The following CAMTA1 variants were observed in gnomAD, a reference collection of about 807,000 sequenced individuals.
The protein encoded by CAMTA1 is calmodulin-binding transcription activator 1.
CAMTA1 carries 27 observed loss-of-function variants against 170.9 expected under a neutral mutation model. The observed-to-expected ratio is 0.16, with a 90% confidence interval of 0.12 to 0.22. The LOEUF is 0.22. Among genes scored for constraint, CAMTA1 ranks in the 10% least tolerant of loss-of-function variants. The probability of loss-of-function intolerance (pLI) is 1.00; values close to 1 mark genes in which losing one functional copy is unlikely to be tolerated. For synonymous variants in CAMTA1, 833 were observed against 891.5 expected, an observed-to-expected ratio of 0.93 and a Z score of 1.17; for missense variants, 1,619 against 2,217.2, an observed-to-expected ratio of 0.73 and a Z score of 5.42.
chr1:7,372,416 GT>G (rs2086540274), intron 5 of CAMTA1, among the ~76,000 whole-genome samples: 1 of 152,206 alleles, frequency 6.6e-6, no homozygotes, highest in Non-Finnish European at 1.5e-5. Flanking sequence ...CTAGCATGCA[GT>G]TTCTTTTTCA....
chr1:7,294,870 A>G (rs1673693687), intron 5 of CAMTA1, among the ~76,000 whole-genome samples: 1 of 152,084 alleles, frequency 6.6e-6, no homozygotes, highest in African/African-American at 2.4e-5. Context: ...CCTTGATCAC[A>G]AGTGTGTCCC....
Position 6,868,136 on chromosome 1 carries a change from A to G in CAMTA1, c.234+42926A>G, listed in dbSNP as rs965460890. The stretch of plus-strand genomic sequence containing the variant: ...GGGTAGTTCTTTTTAATTGTTGAAT[A>G]TACTTGCTGAGGTTAGTTTCTGCTG... On this transcript the variant is annotated intron_variant, in intron 3 of 22. Coordinates refer to ENST00000303635, the MANE Select transcript of CAMTA1 (RefSeq NM_015215.4). Among the ~76,000 whole-genome samples, 30 of 147,716 alleles carry G rather than the reference A, an allele frequency of 2.0e-4. No homozygotes were observed. In the East Asian group the frequency reaches 2.1e-3, roughly 10 times the overall value.
At chr1:7,302,430 G>A (rs1177634615) in intron 5 of CAMTA1, among the ~76,000 whole-genome samples, 1 of 152,194 alleles carries the variant, frequency 6.6e-6, no homozygotes, top group East Asian at 1.9e-4. Flanking sequence ...GTGGCATTCT[G>A]TTCCAGGCCA....
intron 6 of CAMTA1, among the ~76,000 whole-genome samples, chr1:7,632,635 GCCT>G (rs1388792523): frequency 2.6e-5 from 4 of 152,214 alleles, no homozygotes; most frequent in Admixed American, 2.0e-4. Context: ...CTGGCTCCAG[GCCT>G]CCTCCTCCTC....
At chr1:7,279,755 C>T (rs528155181) in intron 5 of CAMTA1, among the ~76,000 whole-genome samples, 2 of 152,278 alleles carry the variant, frequency 1.3e-5, no homozygotes, top group East Asian at 1.9e-4. Context: ...GCTAAAATGC[C>T]TGGAATCAAG....
Position 7,585,365 on chromosome 1 carries a change from GCAGATC to G in CAMTA1, c.511-55034_511-55029del, listed in dbSNP as rs1210380388. Among the ~76,000 whole-genome samples, 1 of 152,186 alleles carries G rather than the reference GCAGATC, an allele frequency of 6.6e-6. No individual in the cohort carries two copies. Among genetic ancestry groups the G allele is most frequent in the Non-Finnish European group, 1.5e-5 (1 of 68,028 alleles). On this transcript the variant is annotated intron_variant, in intron 6 of 22. Coordinates refer to ENST00000303635, the MANE Select transcript of CAMTA1 (RefSeq NM_015215.4). This position sits in a 1 kb window ranked among gnomAD's most constrained non-coding sequence, Gnocchi z 4.8. ...CTGAGAGCGGTGGGATGGGCTGGGAGCAGATCTAGGGAATGGCAGTCCTAACAGAGG... is the reference window on the plus strand; with the variant it reads ...CTGAGAGCGGTGGGATGGGCTGGGAGTAGGGAATGGCAGTCCTAACAGAGG...
intron 3 of CAMTA1, among the ~76,000 whole-genome samples, chr1:6,916,140 G>T (rs1044051142): frequency 6.6e-6 from 1 of 152,128 alleles, no homozygotes; most frequent in Admixed American, 6.5e-5. Context: ...ATGTCTTTGT[G>T]TTCTTCCTCT....
chr1:6,828,912 T>C (rs1403235297), intron 3 of CAMTA1, among the ~76,000 whole-genome samples: 1 of 148,568 alleles, frequency 6.7e-6, no homozygotes, highest in Non-Finnish European at 1.5e-5. Flanking sequence ...TTTTTTTTTT[T>C]TGGAGACAGA....
intron 11 of CAMTA1, among the ~76,000 whole-genome samples, chr1:7,701,286 G>C (rs1414420201): frequency 6.6e-6 from 1 of 152,206 alleles, no homozygotes; most frequent in African/African-American, 2.4e-5. Context: ...TGGCACAACA[G>C]CAGGCAGATA....
intron 4 of CAMTA1, among the ~76,000 whole-genome samples, chr1:7,213,578 C>G (rs1409224193): frequency 6.6e-6 from 1 of 151,112 alleles, no homozygotes; most frequent in Non-Finnish European, 1.5e-5. Context: ...CTGTCCTTCA[C>G]AGAGCAAATA....
rs74051122 is a variant in CAMTA1 at position 7,097,805 on chromosome 1, C to T, written c.302+6434C>T. 4.5e-3 allele frequency among the ~76,000 whole-genome samples: 688 copies of T among 152,222 alleles called. 4 individuals are homozygous for T. The highest frequency in any genetic ancestry group is 0.016 in the African/African-American group (657 of 41,518). On this transcript the variant is annotated intron_variant, in intron 4 of 22. Coordinates refer to ENST00000303635, the MANE Select transcript of CAMTA1 (RefSeq NM_015215.4). Reference sequence around the variant, plus strand: ...TGACTGAGGGATCTAGAATAGTCAGCTCTGGAGATGGAAAGTAGATGGTGG... The same window carrying T: ...TGACTGAGGGATCTAGAATAGTCAGTTCTGGAGATGGAAAGTAGATGGTGG...
intron 11 of CAMTA1, among the ~76,000 whole-genome samples, chr1:7,699,550 G>T (rs1245315601): frequency 6.6e-6 from 1 of 151,968 alleles, no homozygotes; most frequent in African/African-American, 2.4e-5. Context: ...GGAATGGCTG[G>T]GTCACATCAT....
intron 22 of CAMTA1, among the ~76,000 whole-genome samples, chr1:7,765,538 T>A (rs2097014845): frequency 6.6e-6 from 1 of 152,160 alleles, no homozygotes; most frequent in African/African-American, 2.4e-5. Flanking sequence ...CCATCTGGGA[T>A]CACTGGGAGG....
chr1:7,074,685 A>G (rs1028470130), intron 3 of CAMTA1, among the ~76,000 whole-genome samples: 6 of 152,240 alleles, frequency 3.9e-5, no homozygotes, highest in Non-Finnish European at 8.8e-5. Context: ...GTGAAATGGT[A>G]GGAATAGTTA....
chr1:7,571,347 A>G (rs913197510), intron 6 of CAMTA1, among the ~76,000 whole-genome samples: 1 of 152,070 alleles, frequency 6.6e-6, no homozygotes, highest in Non-Finnish European at 1.5e-5. Flanking sequence ...TTTATGGTTT[A>G]TTTTAGGTTC....
chr1:7,066,631 T>G (rs1708997256), intron 3 of CAMTA1, among the ~76,000 whole-genome samples: 1 of 152,240 alleles, frequency 6.6e-6, no homozygotes, highest in South Asian at 2.1e-4. Flanking sequence ...GCTGACTCCT[T>G]GCTTAAAGAG....
intron 5 of CAMTA1, among the ~76,000 whole-genome samples, chr1:7,409,094 A>C (rs1341921893): frequency 6.6e-6 from 1 of 152,196 alleles, no homozygotes; most frequent in Non-Finnish European, 1.5e-5. Context: ...GCCTGAGAGA[A>C]GGAGCTACAC....
Position 7,014,062 on chromosome 1 carries a change from G to A in CAMTA1, c.235-77242G>A, listed in dbSNP as rs1221585845. On this transcript the variant is annotated intron_variant, in intron 3 of 22. Coordinates refer to ENST00000303635, the MANE Select transcript of CAMTA1 (RefSeq NM_015215.4). This position sits in a 1 kb window ranked among gnomAD's most constrained non-coding sequence, Gnocchi z 4.2. ...ATAGACCAGTCCATGTGGGAGATAG[G>A]GAACCTGTCGAGTGCGGTTCTGAAG... Among the ~76,000 whole-genome samples the A allele has an allele frequency of 6.6e-6, 1 of 152,220 alleles. No homozygotes were observed. The highest frequency in any genetic ancestry group is 2.4e-5 in the African/African-American group (1 of 41,466).
intron 4 of CAMTA1, among the ~76,000 whole-genome samples, chr1:7,132,142 A>G (rs554165006): frequency 1.3e-5 from 2 of 152,326 alleles, no homozygotes; most frequent in East Asian, 3.9e-4. Context: ...TCATTTCCAT[A>G]TACATTTTAG....
Sources: allele counts gnomAD v4.1 joint callset (sites outside exome capture counted in the v4.1 genomes callset), GRCh38; gene constraint gnomAD v4.1.1; non-coding constraint Gnocchi (gnomAD v3.1); transcripts MANE v1.5; gene names NCBI Gene and HGNC (gene_info 2026-07-23, HGNC 2026-07-21).